Variants in AGMO observed in about 807,000 individuals in gnomAD.
AGMO encodes alkylglycerol monooxygenase.
Under a neutral mutation model 60.2 loss-of-function variants are expected in AGMO, and 75 were observed. That is an observed-to-expected ratio of 1.25 (90% CI 1.03 to 1.51). The LOEUF is 1.51. Among genes scored for constraint, AGMO ranks in the 40% most tolerant of loss-of-function variants. AGMO has a pLI of 0.00. For synonymous variants in AGMO, 261 were observed against 177.1 expected (o/e 1.47, Z -3.76); for missense variants, 763 against 525.5 (o/e 1.45, Z -4.42).
chr7:15,511,484 G>A (rs2128530457), intron 3 of AGMO, among the ~76,000 whole-genome samples: 1 of 152,230 alleles, frequency 6.6e-6, no homozygotes, highest in Non-Finnish European at 1.5e-5. Flanking sequence ...ATTAGGAGCT[G>A]GAGGGCAGAG....
At chr7:15,291,945 C>T (rs908338487) in intron 12 of AGMO, among the ~76,000 whole-genome samples, 5 of 147,910 alleles carry the variant, frequency 3.4e-5, no homozygotes, top group Non-Finnish European at 6.0e-5. Flanking sequence ...ATTGTGGTGA[C>T]GGAGTGTGAC....
chr7:15,337,228 A>G (rs1162782926), intron 12 of AGMO, among the ~76,000 whole-genome samples: 6 of 152,214 alleles, frequency 3.9e-5, no homozygotes, highest in African/African-American at 1.4e-4. Flanking sequence ...CTTTGTATTC[A>G]AAAATAAAAT....
At chr7:15,132,685 G>A in the AGMO span, among the ~76,000 whole-genome samples, 1 of 152,172 alleles carries the variant, frequency 6.6e-6, no homozygotes, top group Non-Finnish European at 1.5e-5. Flanking sequence ...CGTGGCTGAA[G>A]ATCAACTGGG....
At chr7:15,515,662 T>C (rs1379787692) in intron 3 of AGMO, among the ~76,000 whole-genome samples, 1 of 152,240 alleles carries the variant, frequency 6.6e-6, no homozygotes, top group African/African-American at 2.4e-5. Context: ...CCTTCTCATG[T>C]AGAAAGACTG....
rs1014438363 is a variant in AGMO at position 15,294,748 on chromosome 7, T to G, written c.1263+70766A>C. On this transcript the variant is annotated intron_variant, in intron 12 of 12. Transcript: ENST00000342526. ...AATTGTTCGAGACTTATTAAAATATTCTAAAGTGTATCTAGAGATTTATCC... is the reference window on the plus strand; with the variant it reads ...AATTGTTCGAGACTTATTAAAATATGCTAAAGTGTATCTAGAGATTTATCC... Among the ~76,000 whole-genome samples, 5 of 152,050 alleles carry G rather than the reference T, an allele frequency of 3.3e-5. No homozygotes were observed. In the East Asian group the frequency reaches 9.6e-4, roughly 29 times the overall value.
the AGMO span, among the ~76,000 whole-genome samples, chr7:15,182,646 A>G: frequency 6.6e-6 from 1 of 152,152 alleles, no homozygotes; most frequent in Non-Finnish European, 1.5e-5. Context: ...TGAACGCCTG[A>G]GCTCAAGTGA....
At chr7:15,401,323 T>C (rs535134299) in intron 5 of AGMO, among the ~76,000 whole-genome samples, 71 of 152,172 alleles carry the variant, frequency 4.7e-4, no homozygotes, top group Non-Finnish European at 6.0e-4. Flanking sequence ...TTGATTCCTT[T>C]GATTGGCAAA....
At chr7:15,499,423 T>A (rs1783319391) in intron 3 of AGMO, among the ~76,000 whole-genome samples, 1 of 151,860 alleles carries the variant, frequency 6.6e-6, no homozygotes. Context: ...CCAACTGGCT[T>A]CCAACAGAGT....
chr7:15,379,244 A>G (rs1783580836), intron 10 of AGMO, among the ~76,000 whole-genome samples: 1 of 152,086 alleles, frequency 6.6e-6, no homozygotes, highest in Admixed American at 6.6e-5. Flanking sequence ...TCCCAAAGCT[A>G]TCACAAGACA....
At chr7:15,191,900 T>G in the AGMO span, among the ~76,000 whole-genome samples, 1 of 151,976 alleles carries the variant, frequency 6.6e-6, no homozygotes, top group East Asian at 1.9e-4. Flanking sequence ...TACATAGGTT[T>G]TACTGGTAGA....
chr7:15,558,408 T>C (rs866527934), intron 2 of AGMO, among the ~76,000 whole-genome samples: 5 of 152,066 alleles, frequency 3.3e-5, no homozygotes, highest in South Asian at 4.1e-4. Flanking sequence ...CCATAACCTA[T>C]ACACTTAACT....
intron 9 of AGMO, among the ~76,000 whole-genome samples, chr7:15,386,967 C>T (rs993828018): frequency 3.3e-5 from 5 of 152,172 alleles, no homozygotes; most frequent in African/African-American, 4.8e-5. Context: ...AAAATCCACA[C>T]TGTCTTAATG....
At chr7:15,561,484 G>C (rs1006104148) in intron 1 of AGMO, among the ~76,000 whole-genome samples, 1 of 152,158 alleles carries the variant, frequency 6.6e-6, no homozygotes, top group African/African-American at 2.4e-5. Context: ...TTTTGTTTTT[G>C]TCATATTCTG....
chr7:15,412,203 G>A (rs1158827944), intron 5 of AGMO, among the ~76,000 whole-genome samples: 1 of 151,946 alleles, frequency 6.6e-6, no homozygotes, highest in African/African-American at 2.4e-5. Flanking sequence ...CAGCTCTCTT[G>A]TACTCTGATT....
chr7:15,125,737 T>G, the AGMO span, among the ~76,000 whole-genome samples: 2 of 151,918 alleles, frequency 1.3e-5, no homozygotes, highest in East Asian at 3.9e-4. Flanking sequence ...TACATAAAAA[T>G]TAGAAGGTGT....
the AGMO span, among the ~76,000 whole-genome samples, chr7:15,135,126 CAAT>C: frequency 6.7e-6 from 1 of 149,896 alleles, no homozygotes; most frequent in East Asian, 1.9e-4. Context: ...AAGTGGAGAA[CAAT>C]AACATAGCTA....
intron 2 of AGMO, among the ~76,000 whole-genome samples, chr7:15,556,592 A>C (rs948004787): frequency 2.6e-5 from 4 of 152,032 alleles, no homozygotes; most frequent in Non-Finnish European, 5.9e-5. Context: ...TTGAAGTCCC[A>C]GTTTTCTAAT....
intron 3 of AGMO, among the ~76,000 whole-genome samples, chr7:15,436,206 C>T (rs1181380440): frequency 2.0e-5 from 3 of 152,152 alleles, no homozygotes; most frequent in Non-Finnish European, 4.4e-5. Flanking sequence ...AGAGCTATGC[C>T]TTAGTCCATT....
intron 3 of AGMO, among the ~76,000 whole-genome samples, chr7:15,433,415 T>G (rs1428149171): frequency 6.7e-6 from 1 of 149,264 alleles, no homozygotes; most frequent in East Asian, 2.0e-4. Flanking sequence ...GCCTCACCTC[T>G]GTCACTTTTC....
Sources: gnomAD v4.1 joint callset for allele counts (sites outside exome capture counted in the v4.1 genomes callset) on GRCh38, gnomAD v4.1.1 for gene constraint, MANE v1.5 for transcripts, NCBI Gene and HGNC (gene_info 2026-07-23, HGNC 2026-07-21) for gene names.